Variants in ZCCHC17 observed in about 807,000 individuals in gnomAD.
The protein encoded by ZCCHC17 is zinc finger CCHC domain-containing protein 17.
Under a neutral mutation model 30.6 loss-of-function variants are expected in ZCCHC17, and 18 were observed. The observed-to-expected ratio is 0.59, with a 90% confidence interval of 0.41 to 0.87. ZCCHC17 has a LOEUF of 0.87. Ranked by LOEUF, ZCCHC17 falls within the 40% of genes least tolerant of loss-of-function variation. ZCCHC17 has a pLI of 0.00. For missense variants in ZCCHC17, 263 were observed against 284.2 expected (o/e 0.93, Z 0.54); for synonymous variants, 88 against 92.4 (o/e 0.95, Z 0.27).
At chr1:31,329,673 G>C (rs1327991266) in intron 3 of ZCCHC17, among the ~76,000 whole-genome samples, 1 of 152,198 alleles carries the variant, frequency 6.6e-6, no homozygotes, top group Non-Finnish European at 1.5e-5. Context: ...CGGTTAGGCT[G>C]TTTGGATGAG....
At chr1:31,329,378 C>G (rs1194007040) in intron 3 of ZCCHC17, among the ~76,000 whole-genome samples, 2 of 152,052 alleles carry the variant, frequency 1.3e-5, no homozygotes, top group African/African-American at 4.8e-5. Flanking sequence ...CTGTCTTCTG[C>G]CATCCAGCAC....
intron 1 of ZCCHC17, among the ~76,000 whole-genome samples, chr1:31,308,944 T>A (rs1358654553): frequency 6.6e-6 from 1 of 152,216 alleles, no homozygotes; most frequent in African/African-American, 2.4e-5. Context: ...AGTAAGAAAA[T>A]GATTTCATGA....
intron 1 of ZCCHC17, among the ~76,000 whole-genome samples, chr1:31,309,357 C>T (rs561101270): frequency 1.3e-5 from 2 of 152,046 alleles, no homozygotes; most frequent in East Asian, 1.9e-4. Flanking sequence ...TCGCTCTGTT[C>T]CTTAGTCTGG....
intron 1 of ZCCHC17, among the ~76,000 whole-genome samples, chr1:31,307,568 T>C (rs1403139242): frequency 6.7e-6 from 1 of 150,072 alleles, no homozygotes; most frequent in African/African-American, 2.5e-5. Flanking sequence ...CACGCCTGGC[T>C]GATTTTTGTT....
intron 3 of ZCCHC17, among the ~76,000 whole-genome samples, chr1:31,334,622 T>C (rs1638742865): frequency 6.6e-6 from 1 of 152,210 alleles, no homozygotes; most frequent in Admixed American, 6.5e-5. Context: ...TTCTTTCTAA[T>C]TTTTAAAATG....
chr1:31,361,218 C>T (rs567975818), intron 7 of ZCCHC17, among the ~76,000 whole-genome samples: 2 of 152,264 alleles, frequency 1.3e-5, no homozygotes, highest in African/African-American at 4.8e-5. Flanking sequence ...AGCTTTGTTG[C>T]CTTCTCTCTA....
intron 5 of ZCCHC17, among the ~76,000 whole-genome samples, chr1:31,345,509 T>C (rs1182307945): frequency 9.5e-4 from 13 of 13,736 alleles, no homozygotes; most frequent in African/African-American, 2.0e-3. Context: ...GTTCAAATTA[T>C]GAAAAATCAA....
intron 2 of ZCCHC17, among the ~76,000 whole-genome samples, chr1:31,313,805 G>A (rs918380947): frequency 2.6e-5 from 4 of 151,792 alleles, no homozygotes; most frequent in East Asian, 1.9e-4. Flanking sequence ...AGAATAACTC[G>A]GATTTCTAAA....
chr1:31,332,788 A>T (rs570226758), intron 3 of ZCCHC17, among the ~76,000 whole-genome samples: 17 of 151,940 alleles, frequency 1.1e-4, no homozygotes, highest in Admixed American at 6.6e-5. Context: ...CACCTGGCTA[A>T]TTTTTGTATT....
intron 1 of ZCCHC17, among the ~76,000 whole-genome samples, chr1:31,306,986 C>T (rs546391239): frequency 6.6e-5 from 10 of 152,068 alleles, no homozygotes; most frequent in Non-Finnish European, 1.0e-4. Flanking sequence ...TACAGGTGCG[C>T]ACCACCATGC....
chr1:31,331,352 G>T (rs755664855), intron 3 of ZCCHC17, among the ~76,000 whole-genome samples: 2 of 151,800 alleles, frequency 1.3e-5, no homozygotes, highest in Non-Finnish European at 2.9e-5. Context: ...CACCATGTTG[G>T]TCAGGCTGGT....
At chr1:31,331,144 T>C (rs1638567276) in intron 3 of ZCCHC17, among the ~76,000 whole-genome samples, 1 of 148,338 alleles carries the variant, frequency 6.7e-6, no homozygotes, top group Admixed American at 6.7e-5. Context: ...ATAATATTCT[T>C]TTTTTTTTTT....
At chr1:31,324,904 A>G (rs965911584) in intron 3 of ZCCHC17, among the ~76,000 whole-genome samples, 1 of 152,162 alleles carries the variant, frequency 6.6e-6, no homozygotes, top group Admixed American at 6.5e-5. Context: ...GGCCTAAAGC[A>G]TAGGGGCCAG....
intron 3 of ZCCHC17, among the ~76,000 whole-genome samples, chr1:31,334,968 T>A (rs996483817): frequency 6.6e-6 from 1 of 152,184 alleles, no homozygotes; most frequent in African/African-American, 2.4e-5. Context: ...CAATTAGGGG[T>A]CAAATAAAGT....
At chr1:31,331,235 G>A (rs879564757) in intron 3 of ZCCHC17, among the ~76,000 whole-genome samples, 3 of 151,890 alleles carry the variant, frequency 2.0e-5, no homozygotes, top group African/African-American at 4.8e-5. Flanking sequence ...CTCCATCTCC[G>A]GTTCAAGTGA....
At chr1:31,310,928 A>G (rs764439508) in intron 2 of ZCCHC17, among the ~76,000 whole-genome samples, 4 of 152,002 alleles carry the variant, frequency 2.6e-5, no homozygotes, top group Non-Finnish European at 5.9e-5. Flanking sequence ...TCCTAATTAT[A>G]TCTCTGGTCT....
chr1:31,358,262 T>A (rs1309845941), intron 7 of ZCCHC17, among the ~76,000 whole-genome samples: 8 of 152,154 alleles, frequency 5.3e-5, no homozygotes, highest in Admixed American at 5.2e-4. Context: ...GGAAGTTAGA[T>A]CAGAAGGAAC....
chr1:31,359,648 G>GT (rs1167275961), intron 7 of ZCCHC17, among the ~76,000 whole-genome samples: 1 of 152,098 alleles, frequency 6.6e-6, no homozygotes, highest in Non-Finnish European at 1.5e-5. Flanking sequence ...CTGCTATCCT[G>GT]TTTCAGAACT....
chr1:31,343,317 C>T (rs564979444), intron 5 of ZCCHC17, among the ~76,000 whole-genome samples: 42 of 152,306 alleles, frequency 2.8e-4, no homozygotes, highest in African/African-American at 1.0e-3. Flanking sequence ...GCCTTGGCCT[C>T]CCAAAGTGCT....
Sources: gnomAD v4.1 joint callset for allele counts (sites outside exome capture counted in the v4.1 genomes callset) on GRCh38, gnomAD v4.1.1 for gene constraint, MANE v1.5 for transcripts, NCBI Gene and HGNC (gene_info 2026-07-23, HGNC 2026-07-21) for gene names.